Variants in NPC1L1 observed in about 807,000 individuals in gnomAD.
The protein encoded by NPC1L1 is NPC1-like intracellular cholesterol transporter 1.
NPC1L1 carries 98 observed loss-of-function variants against 117.0 expected under a neutral mutation model. The ratio of observed to expected loss-of-function variants is 0.84; its 90% CI spans 0.71 to 0.99. NPC1L1 has a LOEUF of 0.99. Among genes scored for constraint, NPC1L1 ranks in the 50% least tolerant of loss-of-function variants. The probability of loss-of-function intolerance (pLI) is 0.00; values close to 1 mark genes in which losing one functional copy is unlikely to be tolerated. For synonymous variants in NPC1L1, 729 were observed against 727.6 expected (o/e 1.00, Z -0.03); for missense variants, 1,540 against 1,710.0 (o/e 0.90, Z 1.75).
chr7:44,537,031 A>C (rs906077497), intron 2 of NPC1L1, 89 bp from the exon 3 acceptor site: 3 of 1,042,158 alleles, frequency 2.9e-6, no homozygotes, highest in African/African-American at 3.2e-5. Context: ...CCCCAGACCC[A>C]CAGCACTATG....
At chr7:44,516,601 G>T in intron 16 of NPC1L1, 102 bp downstream of exon 16, 3 of 958,148 alleles carry the variant, frequency 3.1e-6, no homozygotes, top group South Asian at 2.8e-5. Context: ...GCAAGACCCT[G>T]CCTCTAAAAA....
In NPC1L1 at chr7:44,520,812, G is replaced by C; in HGVS notation, c.3089C>G (p.Ala1030Gly). 1.2e-6 allele frequency: 2 copies of C among 1,614,094 alleles called. No individual in the cohort carries two copies. The highest frequency in any genetic ancestry group is 1.7e-5 in the Admixed American group (1 of 60,020). ...CAAGTTCACAGAGGTGCTGTATGCT[G>C]CCAGGCCGCTGCAAGAAGGTCAGGG... ...PNIKCPKGGL[A>G]AYSTSVNLTS... The change falls in exon 14 of 19, where the codon GCA becomes GGA. Residue 1030 changes from alanine (A) to glycine (G), a missense_variant. Physicochemically the swap from Ala to Gly is moderately conservative, Grantham distance 60. Coordinates refer to ENST00000381160, the MANE Select transcript of NPC1L1 (RefSeq NM_001101648.2).
At position 44,532,138 on chromosome 7, in the gene NPC1L1, C is replaced by T. The variant is rs773388257; in HGVS notation, c.2489G>A (p.Gly830Asp). 13 of 1,614,008 alleles carry T rather than the reference C, an allele frequency of 8.1e-6. No individual in the cohort carries two copies. Among genetic ancestry groups the T allele is most frequent in the African/African-American group, 1.3e-5 (1 of 74,912 alleles). Residue 830 changes from glycine to aspartate, a missense_variant, in exon 9 of 19, where the codon GGC (glycine) becomes GAC (aspartate). By Grantham distance (94) the Gly-to-Asp change is moderately conservative. Transcript: ENST00000381160. ...GGGGGCATAAGCCTTTTGGAAGAAGCCAAGCAGGAGCCCCTCTCCCTGGCC... is the reference window on the plus strand; with the variant it reads ...GGGGGCATAAGCCTTTTGGAAGAAGTCAAGCAGGAGCCCCTCTCCCTGGCC... ...PPGQGEGLLL[G>D]FFQKAYAPFL...
Position 44,513,598 on chromosome 7 carries a change from GCCT to G in NPC1L1, c.3845_3847del (p.Glu1282del). Reference sequence around the variant, plus strand: ...AGAGGCCACCATGACTGCTGCCACCGCCTCCTCAGCCCGCTTCTGCTCCAGTGC... The same window carrying G: ...AGAGGCCACCATGACTGCTGCCACCGCCTCAGCCCGCTTCTGCTCCAGTGC... On this transcript the variant is annotated inframe_deletion, in exon 19 of 19. Transcript: ENST00000381160. The G allele has an allele frequency of 6.2e-7, 1 of 1,613,766 alleles. No homozygotes were observed.
chr7:44,533,333 T>C, intron 8 of NPC1L1, 98 bp downstream of exon 8: 4 of 1,475,066 alleles, frequency 2.7e-6, no homozygotes, highest in Middle Eastern at 2.1e-4. Flanking sequence ...CCCCACCCCA[T>C]TCTCTGGGCC....
chr7:44,524,415 T>C (rs1165074301), intron 10 of NPC1L1, among the ~76,000 whole-genome samples: 2 of 152,058 alleles, frequency 1.3e-5, no homozygotes, highest in African/African-American at 4.8e-5. Context: ...ACAGAAACTG[T>C]TCCTGGGTAA....
rs201187589 is a variant in NPC1L1, at chr7:44,513,641, C to T, written c.3805G>A (p.Val1269Ile). The change falls in exon 19 of 19, where the codon GTT (valine) becomes ATT (isoleucine). Residue 1269 changes from valine (V) to isoleucine (I), a missense_variant. By Grantham distance (29) the Val-to-Ile change is conservative. Around this residue, in one of 3 missense-constraint regions of NPC1L1, gnomAD observed 742 missense variants for 873.6 expected, o/e 0.85. Coordinates refer to ENST00000381160, the MANE Select transcript of NPC1L1 (RefSeq NM_001101648.2). ...TGCTCCAGTGCCAGAGCCGGGTTAA[C>T]GTCAGGCCCTGCGGAGAGACAGAGA... ...PVILSYVGPD[V>I]NPALALEQKR... The T allele has an allele frequency of 2.8e-5, 45 of 1,612,772 alleles. No homozygotes were observed. Among genetic ancestry groups the T allele is most frequent in the Admixed American group, 2.2e-4 (13 of 60,018 alleles).
In NPC1L1 at chr7:44,516,835, G is replaced by A. The variant is rs1453255258; in HGVS notation, c.3387C>T (p.Leu1129=). 1 of 1,614,208 alleles carries A rather than the reference G, an allele frequency of 6.2e-7. No homozygotes were observed. Among genetic ancestry groups the A allele is most frequent in the Non-Finnish European group, 8.5e-7 (1 of 1,180,042 alleles). Residue 1129 remains leucine (L), a synonymous_variant, in exon 16 of 19, where the codon CTC becomes CTT. Coordinates refer to ENST00000381160, the MANE Select transcript of NPC1L1 (RefSeq NM_001101648.2). ...CLVPTFAVSC[L]LLGLDLRSGL... is the part of the protein sequence containing the mutation. ...CGGAGCGCAGGTCCAGGCCCAGCAGGAGGCAGGAGACAGCGAAGGTGGGCA... is the reference window on the plus strand; with the variant it reads ...CGGAGCGCAGGTCCAGGCCCAGCAGAAGGCAGGAGACAGCGAAGGTGGGCA...
At chr7:44,520,517 C>T (rs968550964) in intron 14 of NPC1L1, among the ~76,000 whole-genome samples, 22 of 152,054 alleles carry the variant, frequency 1.4e-4, no homozygotes, top group African/African-American at 5.3e-4. Context: ...GTGGAGAACT[C>T]CCAAGTATGG....
At position 44,515,806 on chromosome 7, in the gene NPC1L1, C is replaced by G. The variant is rs368869206; in HGVS notation, c.3793G>C (p.Val1265Leu). ...AGGAACAGGCCTGGGCACTCACCCACGTAGCTGAGGATGACGGGCAGGAAG... is the reference window on the plus strand; with the variant it reads ...AGGAACAGGCCTGGGCACTCACCCAGGTAGCTGAGGATGACGGGCAGGAAG... Reference protein sequence around the residue: ...LVFLPVILSYVGPDVNPALAL... With the variant: ...LVFLPVILSYLGPDVNPALAL... The change falls in exon 18 of 19, where the codon GTG becomes CTG. Residue 1265 changes from valine to leucine, a missense_variant. Physicochemically the swap from Val to Leu is conservative, Grantham distance 32. This residue lies in a region of NPC1L1 where 742 missense variants were observed against 873.6 expected (regional missense o/e 0.85). Coordinates refer to ENST00000381160, the MANE Select transcript of NPC1L1 (RefSeq NM_001101648.2). 6 of 1,613,992 alleles carry G rather than the reference C, an allele frequency of 3.7e-6. No individual in the cohort carries two copies. Among genetic ancestry groups the G allele is most frequent in the Non-Finnish European group, 5.1e-6 (6 of 1,180,020 alleles).
chr7:44,513,339 G>A lies in NPC1L1; in HGVS notation c.*108C>T. 1 of 1,069,300 alleles carries A rather than the reference G, an allele frequency of 9.4e-7. No homozygotes were observed. The highest frequency in any genetic ancestry group is 1.4e-6 in the Non-Finnish European group (1 of 697,458). 66.2% of individuals were successfully genotyped at this position (1,069,300 alleles called of 1,614,324 possible). ...AGTGACAGGCAGTCTCATGGGAATG[G>A]CCTCCCCTAGGATTTGAGGAGGGCG... On this transcript the variant is annotated 3_prime_UTR_variant, in exon 19 of 19. Transcript: ENST00000381160.
At chr7:44,532,001 C>A (rs1001849052) in intron 9 of NPC1L1, 79 bp downstream of exon 9, 1 of 1,606,710 alleles carries the variant, frequency 6.2e-7, no homozygotes, top group African/African-American at 1.3e-5. Context: ...AGGCAACCTC[C>A]CCACCTCCAA....
In NPC1L1 at chr7:44,516,144, G is replaced by A. The variant is rs749394960; in HGVS notation, c.3573C>T (p.Ile1191=). 5.0e-6 allele frequency: 8 copies of A among 1,612,684 alleles called. No individual in the cohort carries two copies. The highest frequency in any genetic ancestry group is 1.3e-5 in the African/African-American group (1 of 74,940). ...TCTCCAGCCAGGTGGGCTTGGTGCTGATGGCAAAGGAGCGGGTAATGTGGG... is the reference window on the plus strand; with the variant it reads ...TCTCCAGCCAGGTGGGCTTGGTGCTAATGGCAAAGGAGCGGGTAATGTGGG... ...FVSHITRSFA[I]STKPTWLERA... is the part of the protein sequence containing the mutation. The change falls in exon 17 of 19, where the codon ATC becomes ATT. Residue 1191 remains isoleucine (I), a synonymous_variant. Transcript: ENST00000381160.
Position 44,521,746 on chromosome 7 carries a change from G to A in NPC1L1, c.2919C>T (p.Gly973=). 1 of 1,614,152 alleles carries A rather than the reference G, an allele frequency of 6.2e-7. No homozygotes were observed. Among genetic ancestry groups the A allele is most frequent in the Non-Finnish European group, 8.5e-7 (1 of 1,180,028 alleles). Residue 973 remains glycine, a synonymous_variant, in exon 12 of 19, where the codon GGC becomes GGT. Coordinates refer to ENST00000381160, the MANE Select transcript of NPC1L1 (RefSeq NM_001101648.2). ...PSSCCRLYIS[G]PNKDKFCPST... The stretch of plus-strand genomic sequence containing the variant: ...AGGGGCAGAACTTGTCCTTATTGGG[G>A]CCAGATATATAAAGGCGGCAGCAGG...
rs371808839 is a variant in NPC1L1 at position 44,533,453 on chromosome 7, G to A, written c.2387C>T (p.Ser796Phe). ...TACCTCCTGCCTCTTGCTGTCCAGGGAGAGCAGGGCCACAAAGGCTGACAT... is the reference window on the plus strand; with the variant it reads ...TACCTCCTGCCTCTTGCTGTCCAGGAAGAGCAGGGCCACAAAGGCTGACAT... ...LQMSAFVALL[S>F]LDSKRQEASR... The change falls in exon 8 of 19, where the codon TCC (serine) becomes TTC (phenylalanine). Residue 796 changes from serine to phenylalanine, a missense_variant. Ser to Phe is a radical substitution (Grantham distance 155). Around this residue, in one of 3 missense-constraint regions of NPC1L1, gnomAD observed 742 missense variants for 873.6 expected, o/e 0.85. Transcript: ENST00000381160. The A allele has an allele frequency of 1.2e-6, 2 of 1,613,916 alleles. No homozygotes were observed. The highest frequency in any genetic ancestry group is 1.7e-6 in the Non-Finnish European group (2 of 1,179,978).
chr7:44,521,947 C>T, intron 11 of NPC1L1, 105 bp downstream of exon 11: 1 of 1,594,010 alleles, frequency 6.3e-7, no homozygotes, highest in African/African-American at 1.3e-5. Context: ...AGCAAGGCAG[C>T]AGGGCAGCAG....
rs1271344416 is a variant in NPC1L1 at position 44,521,103 on chromosome 7, A to AGGCAGTTCAGAG, written c.2957_2968dup (p.Cys989_Leu990insProLeuAsnCys). On this transcript the variant is annotated inframe_insertion, in exon 13 of 19. Transcript: ENST00000381160. ...CATCGTGATGCTCATGCAGTTCTTTAGGCAGTTCAGAGAGTCTGCAGAGAA... is the reference window on the plus strand; with the variant it reads ...CATCGTGATGCTCATGCAGTTCTTTAGGCAGTTCAGAGGGCAGTTCAGAGAGTCTGCAGAGAA... 4 of 1,614,004 alleles carry AGGCAGTTCAGAG rather than the reference A, an allele frequency of 2.5e-6. No individual in the cohort carries two copies. The East Asian group carries it at 8.9e-5, about 36-fold the overall frequency.
Position 44,516,067 on chromosome 7 carries a change from C to T in NPC1L1, c.3633+17G>A, listed in dbSNP as rs995693506. On this transcript the variant is annotated intron_variant, in intron 17 of 18. Transcript: ENST00000381160. ...GTGTCGAGTGGGGCACAGGGTGGCC[C>T]ACTCCTCTCCACTCACCGCACTTCC... is the stretch of plus-strand genomic sequence containing the variant. 3.1e-6 allele frequency: 5 copies of T among 1,607,674 alleles called. No homozygotes were observed. The South Asian group carries it at 4.4e-5, about 14-fold the overall frequency.
intron 12 of NPC1L1, among the ~76,000 whole-genome samples, chr7:44,521,347 GGCCCCACAAAGGCCTCTC>G (rs759381989): frequency 6.6e-6 from 1 of 152,184 alleles, no homozygotes; most frequent in Non-Finnish European, 1.5e-5. Flanking sequence ...CAGAAAAACA[GGCCCCACAAAGGCCTCTC>G]CACCTACAAA....
Sources: gnomAD v4.1 joint callset for allele counts (sites outside exome capture counted in the v4.1 genomes callset) on GRCh38, gnomAD v4.1.1 for gene constraint, gnomAD v4.1.1 regional missense constraint, MANE v1.5 for transcripts, NCBI Gene and HGNC (gene_info 2026-07-23, HGNC 2026-07-21) for gene names.